Variants in FTCDNL1 observed in about 807,000 individuals in gnomAD.
The protein encoded by FTCDNL1 is formiminotransferase N-terminal subdomain-containing protein.
Under a neutral mutation model 5.9 loss-of-function variants are expected in FTCDNL1, and 11 were observed. That is an observed-to-expected ratio of 1.87 (90% CI 1.18 to 3.10). The LOEUF is 3.10. FTCDNL1 is among the 30% of genes most tolerant of loss of function. FTCDNL1 has a pLI of 0.00. For missense variants in FTCDNL1, 115 were observed against 65.5 expected (o/e 1.76, Z -2.61); for synonymous variants, 58 against 24.8 (o/e 2.34, Z -3.99).
At chr2:199,787,871 A>G (rs1043493889) in intron 3 of FTCDNL1, among the ~76,000 whole-genome samples, 13 of 152,218 alleles carry the variant, frequency 8.5e-5, no homozygotes, top group African/African-American at 3.1e-4. Flanking sequence ...TAAAATACAT[A>G]AATGTATATG....
the FTCDNL1 span, among the ~76,000 whole-genome samples, chr2:199,721,904 G>A: frequency 1.3e-5 from 2 of 151,992 alleles, no homozygotes; most frequent in Non-Finnish European, 1.5e-5. Context: ...ATATATGTTC[G>A]TTGGCTGCAT....
At chr2:199,790,191 C>T (rs935732473) in intron 3 of FTCDNL1, among the ~76,000 whole-genome samples, 29 of 151,848 alleles carry the variant, frequency 1.9e-4, no homozygotes, top group African/African-American at 6.5e-4. Context: ...AAAAGAGACA[C>T]AGTGGCTATA....
In FTCDNL1 at chr2:199,848,847, C is replaced by T. The variant is rs1434566448; in HGVS notation, c.115+1G>A. The T allele has an allele frequency of 1.1e-5, 8 of 699,980 alleles. No individual in the cohort carries two copies. Among genetic ancestry groups the T allele is most frequent in the African/African-American group, 5.2e-5 (3 of 57,156 alleles). The allele number at this position is 699,980 out of a possible 1,614,324, so 43.4% of individuals were successfully genotyped here. On this transcript the variant is annotated splice_donor_variant, in intron 2 of 4. Coordinates refer to ENST00000420128, the MANE Select transcript of FTCDNL1 (RefSeq NM_001363886.2). LOFTEE classifies it high-confidence loss of function. ...CAGCTTCAATTGTCTGTTTTTCCTA[C>T]CATTTTTGTCAAGAAGAGCTGCTTT...
rs1203496509 is a variant in FTCDNL1, at chr2:199,811,943, T to G, written c.*762A>C. On this transcript the variant is annotated 3_prime_UTR_variant, in exon 5 of 5. Transcript: ENST00000420128. Reference sequence around the variant, plus strand: ...ACTTACTTGATTGAAATGAAACTCTTATTTTTAAAATTCCTTCAAAAGCAT... The same window carrying G: ...ACTTACTTGATTGAAATGAAACTCTGATTTTTAAAATTCCTTCAAAAGCAT... 1.3e-5 allele frequency among the ~76,000 whole-genome samples: 2 copies of G among 152,244 alleles called. No homozygotes were observed. The highest frequency in any genetic ancestry group is 2.4e-5 in the African/African-American group (1 of 41,464).
chr2:199,753,852 C>G, the FTCDNL1 span, among the ~76,000 whole-genome samples: 1 of 152,214 alleles, frequency 6.6e-6, no homozygotes. Context: ...CTCCAAGGAT[C>G]TGAGGATACA....
the FTCDNL1 span, among the ~76,000 whole-genome samples, chr2:199,734,476 G>T: frequency 1.3e-5 from 2 of 152,118 alleles, no homozygotes; most frequent in African/African-American, 4.8e-5. Flanking sequence ...GATATTTGGA[G>T]ATTATCAAAA....
chr2:199,843,601 TAGCTC>T (rs2076649029), intron 3 of FTCDNL1, among the ~76,000 whole-genome samples: 1 of 152,218 alleles, frequency 6.6e-6, no homozygotes, highest in African/African-American at 2.4e-5. Flanking sequence ...GTGCTTAATG[TAGCTC>T]AGCTAAAGTC....
intron 3 of FTCDNL1, among the ~76,000 whole-genome samples, chr2:199,773,499 G>A (rs1241045655): frequency 3.3e-5 from 5 of 152,150 alleles, no homozygotes; most frequent in African/African-American, 1.2e-4. Context: ...GGGAAAATCT[G>A]TAGGAGTCAT....
the FTCDNL1 span, among the ~76,000 whole-genome samples, chr2:199,751,776 C>T: frequency 6.9e-6 from 1 of 145,978 alleles, no homozygotes; most frequent in Non-Finnish European, 1.5e-5. Context: ...TAATTTTGCT[C>T]CTTGACTAGT....
intron 3 of FTCDNL1, among the ~76,000 whole-genome samples, chr2:199,785,746 T>TC (rs1699611075): frequency 6.6e-6 from 1 of 152,068 alleles, no homozygotes; most frequent in Admixed American, 6.6e-5. Context: ...CAAGTACAGG[T>TC]CCTCCCTGAG....
At chr2:199,776,929 C>T (rs13030038) in intron 3 of FTCDNL1, among the ~76,000 whole-genome samples, 9,935 of 99,312 alleles carry the variant, frequency 0.1, 541 homozygotes, top group East Asian at 0.32. Context: ...TATATATATA[C>T]ACACACACAC....
At position 199,837,924 on chromosome 2, in the gene FTCDNL1, T is replaced by C. The variant is rs978311535; in HGVS notation, c.211+8151A>G. Among the ~76,000 whole-genome samples the C allele has an allele frequency of 3.3e-5, 5 of 152,304 alleles. No homozygotes were observed. The East Asian group carries it at 7.7e-4, about 24-fold the overall frequency. On this transcript the variant is annotated intron_variant, in intron 3 of 4. Transcript: ENST00000420128. ...TATCATTTATAAAATTCATTAACTA[T>C]GGTCTAGACTCTTGCAGCTGAATAT...
chr2:199,729,999 C>T, the FTCDNL1 span, among the ~76,000 whole-genome samples: 3 of 152,252 alleles, frequency 2.0e-5, no homozygotes, highest in African/African-American at 4.8e-5. Context: ...GGTACCAAAA[C>T]AGATATATAG....
chr2:199,718,933 G>A, the FTCDNL1 span, among the ~76,000 whole-genome samples: 2 of 151,416 alleles, frequency 1.3e-5, no homozygotes, highest in East Asian at 1.9e-4. Flanking sequence ...GTTCTTTGTA[G>A]GTTCTGGACA....
chr2:199,787,599 T>C (rs542363333), intron 3 of FTCDNL1, among the ~76,000 whole-genome samples: 2 of 152,272 alleles, frequency 1.3e-5, no homozygotes, highest in South Asian at 4.2e-4. Context: ...ACATGCAATA[T>C]AAAACTTGCA....
chr2:199,665,202 T>A, the FTCDNL1 span, among the ~76,000 whole-genome samples: 46 of 152,110 alleles, frequency 3.0e-4, no homozygotes, highest in Non-Finnish European at 4.7e-4. Context: ...GGCTCAGTAG[T>A]GACATGAGCC....
chr2:199,849,972 T>C lies in FTCDNL1; in HGVS notation c.-8+768A>G, dbSNP rs368406717. Among the ~76,000 whole-genome samples, 9 of 152,276 alleles carry C rather than the reference T, an allele frequency of 5.9e-5. No individual in the cohort carries two copies. In the South Asian group the frequency reaches 1.7e-3, roughly 28 times the overall value. On this transcript the variant is annotated intron_variant, in intron 1 of 4. Transcript: ENST00000420128. ...GTGTGAGGGATACCAACCACAGTGG[T>C]CTAACTCTGAGACACGCGTTAAACT... is the stretch of plus-strand genomic sequence containing the variant.
downstream of FTCDNL1, among the ~76,000 whole-genome samples, chr2:199,805,730 C>T (rs921988497): frequency 6.6e-6 from 1 of 151,916 alleles, no homozygotes; most frequent in Non-Finnish European, 1.5e-5. Flanking sequence ...CAGAGTAAGA[C>T]TCTGTCTCAA....
chr2:199,707,409 T>C, the FTCDNL1 span, among the ~76,000 whole-genome samples: 1,526 of 152,184 alleles, frequency 0.01, 13 homozygotes, highest in Middle Eastern at 0.017. Context: ...TTACAATTTG[T>C]GTCTTTCAAG....
Sources: gnomAD v4.1 joint callset for allele counts (sites outside exome capture counted in the v4.1 genomes callset) on GRCh38, gnomAD v4.1.1 for gene constraint, MANE v1.5 for transcripts, NCBI Gene and HGNC (gene_info 2026-07-23, HGNC 2026-07-21) for gene names.